Variants in SEMA3C observed in about 807,000 individuals in gnomAD.
SEMA3C encodes semaphorin 3C.
A neutral mutation model predicts 89.4 loss-of-function variants in SEMA3C; 47 were observed. That is an observed-to-expected ratio of 0.53 (90% CI 0.42 to 0.67). SEMA3C has a LOEUF of 0.67. Among genes scored for constraint, SEMA3C ranks in the 30% least tolerant of loss-of-function variants. The probability of loss-of-function intolerance (pLI) is 0.00; values close to 1 mark genes in which losing one functional copy is unlikely to be tolerated. For synonymous variants in SEMA3C, 310 were observed against 320.2 expected (o/e 0.97, Z 0.34); for missense variants, 839 against 929.1 (o/e 0.90, Z 1.26).
At chr7:80,913,972 C>A (rs1173140331) in intron 2 of SEMA3C, among the ~76,000 whole-genome samples, 1 of 152,098 alleles carries the variant, frequency 6.6e-6, no homozygotes, top group East Asian at 1.9e-4. Context: ...TCAAGTTCCA[C>A]CCAGAGAGAG....
At chr7:80,786,697 T>C (rs1366238562) in intron 12 of SEMA3C, among the ~76,000 whole-genome samples, 4 of 152,234 alleles carry the variant, frequency 2.6e-5, no homozygotes, top group African/African-American at 9.6e-5. Flanking sequence ...CAGTCACATT[T>C]ATGAATTCAT....
chr7:80,904,302 A>C (rs956765195), intron 2 of SEMA3C, among the ~76,000 whole-genome samples: 2 of 152,198 alleles, frequency 1.3e-5, no homozygotes, highest in African/African-American at 4.8e-5. Context: ...CAGCTCTCCA[A>C]AGTGCTGGGA....
chr7:80,772,240 C>T (rs1177460082), intron 12 of SEMA3C, among the ~76,000 whole-genome samples: 1 of 152,054 alleles, frequency 6.6e-6, no homozygotes. Context: ...ATTTATTTTC[C>T]TGTTAGGTAA....
intron 12 of SEMA3C, among the ~76,000 whole-genome samples, chr7:80,779,216 G>T (rs941421610): frequency 6.6e-6 from 1 of 152,132 alleles, no homozygotes; most frequent in African/African-American, 2.4e-5. Context: ...TTACACAACT[G>T]TAAAATGGGG....
At chr7:80,919,122 C>G, upstream of SEMA3C, 24 of 984,752 alleles carry the variant, frequency 2.4e-5, no homozygotes, top group Non-Finnish European at 2.8e-5. Context: ...GCGCGCGGCT[C>G]CGGCTGCCCC....
chr7:80,800,306 A>T (rs959600406), intron 10 of SEMA3C, among the ~76,000 whole-genome samples: 2 of 152,192 alleles, frequency 1.3e-5, no homozygotes, highest in East Asian at 1.9e-4. Flanking sequence ...ATACAAAAAA[A>T]TACTGTACAC....
chr7:80,805,532 T>C (rs898245171), intron 7 of SEMA3C, 107 bp downstream of exon 7: 1 of 883,232 alleles, frequency 1.1e-6, no homozygotes, highest in Non-Finnish European at 1.7e-6. Flanking sequence ...ATTCATGTAA[T>C]AGCCTGCTAT....
chr7:80,765,519 T>A (rs1248804025), intron 12 of SEMA3C, among the ~76,000 whole-genome samples: 1 of 152,148 alleles, frequency 6.6e-6, no homozygotes, highest in East Asian at 1.9e-4. Flanking sequence ...AAGTCAAAAG[T>A]TCGGAACCAA....
chr7:80,745,012 C>T lies in SEMA3C; in HGVS notation c.2138G>A (p.Arg713Gln), dbSNP rs536937172. 2.1e-5 allele frequency: 34 copies of T among 1,614,038 alleles called. 1 individual carries two copies. In the Admixed American group the frequency reaches 2.5e-4, roughly 12 times the overall value. ...TTCATCTCCCTGCTGATGTTGCTGC[C>T]GAGTGTCTTTGCAATATTGGTTAAT... is the stretch of plus-strand genomic sequence containing the variant. ...QMINQYCKDT[R>Q]QQHQQGDESQ... Residue 713 changes from arginine to glutamine, a missense_variant, in exon 18 of 18, where the codon CGG becomes CAG. By Grantham distance (43) the Arg-to-Gln change is conservative. Transcript: ENST00000265361.
At chr7:80,758,277 C>T in intron 15 of SEMA3C, 54 bp downstream of exon 15, 1 of 1,556,414 alleles carries the variant, frequency 6.4e-7, no homozygotes, top group Non-Finnish European at 8.7e-7. Context: ...TGAAACACTT[C>T]TGTATTGTCT....
intron 2 of SEMA3C, among the ~76,000 whole-genome samples, chr7:80,900,578 C>A (rs1484548390): frequency 6.6e-6 from 1 of 152,154 alleles, no homozygotes; most frequent in African/African-American, 2.4e-5. Context: ...AGTTACATGG[C>A]TAGTAAGTGG....
At chr7:80,801,845 A>T (rs1363634285) in intron 9 of SEMA3C, among the ~76,000 whole-genome samples, 1 of 152,140 alleles carries the variant, frequency 6.6e-6, no homozygotes, top group Non-Finnish European at 1.5e-5. Flanking sequence ...AGAAAAGCTT[A>T]TCTAGAAACT....
intron 12 of SEMA3C, among the ~76,000 whole-genome samples, chr7:80,769,645 G>A (rs1211945663): frequency 1.3e-5 from 2 of 152,092 alleles, no homozygotes; most frequent in Non-Finnish European, 2.9e-5. Flanking sequence ...ATCACCTAAG[G>A]TCAGGAGTTA....
At chr7:80,919,387 G>A (rs1792364549), upstream of SEMA3C, 3 of 985,304 alleles carry the variant, frequency 3.0e-6, no homozygotes, top group Middle Eastern at 5.2e-4. Context: ...TGCGCTCCAC[G>A]GTTTTTGTTG....
At chr7:80,832,896 T>C (rs1435549754) in intron 2 of SEMA3C, among the ~76,000 whole-genome samples, 1 of 152,188 alleles carries the variant, frequency 6.6e-6, no homozygotes, top group African/African-American at 2.4e-5. Context: ...AAATACTAAC[T>C]GATATTATCT....
intron 12 of SEMA3C, among the ~76,000 whole-genome samples, chr7:80,773,762 T>C (rs548531180): frequency 2.1e-4 from 32 of 152,184 alleles, no homozygotes; most frequent in Non-Finnish European, 3.2e-4. Flanking sequence ...GTCCAGAAAG[T>C]GGGTTTCAGA....
At chr7:80,836,044 T>A (rs970692521) in intron 2 of SEMA3C, among the ~76,000 whole-genome samples, 2 of 152,186 alleles carry the variant, frequency 1.3e-5, no homozygotes, top group Non-Finnish European at 2.9e-5. Context: ...GCTCTGGACA[T>A]GGGTCTGCAT....
At chr7:80,918,333 C>G (rs13238667) in intron 1 of SEMA3C, 30,335 of 152,084 alleles carry the variant, frequency 0.2, 3,447 homozygotes, top group Non-Finnish European at 0.27. Flanking sequence ...ACATATACAA[C>G]CAATTGCAAA....
chr7:80,810,755 C>T, intron 5 of SEMA3C, 54 bp from the exon 6 acceptor site: 1 of 1,331,508 alleles, frequency 7.5e-7, no homozygotes, highest in South Asian at 1.2e-5. Flanking sequence ...TTAGTGAAGA[C>T]AATTGTTCAT....
Sources: gnomAD v4.1 joint callset for allele counts (sites outside exome capture counted in the v4.1 genomes callset) on GRCh38, gnomAD v4.1.1 for gene constraint, MANE v1.5 for transcripts, NCBI Gene and HGNC (gene_info 2026-07-23, HGNC 2026-07-21) for gene names.